The following NBPF12 variants were observed in gnomAD, a reference collection of about 807,000 sequenced individuals.
The protein encoded by NBPF12 is NBPF member 12, also known as NBPF family member NBPF12.
NBPF12 carries 115 observed loss-of-function variants against 146.4 expected under a neutral mutation model. That is an observed-to-expected ratio of 0.79 (90% CI 0.68 to 0.92). NBPF12 has a LOEUF of 0.92. NBPF12 is among the 40% of genes least tolerant of loss of function. The pLI is 0.00. For synonymous variants in NBPF12, 385 were observed against 508.9 expected, an observed-to-expected ratio of 0.76 and a Z score of 3.28; for missense variants, 1,205 against 1,326.8, an observed-to-expected ratio of 0.91 and a Z score of 1.43.
In NBPF12 at chr1:146,971,906, C is replaced by T. The variant is rs1256276243; in HGVS notation, c.1591+512C>T. On this transcript the variant is annotated intron_variant, in intron 13 of 33. Transcript: ENST00000617844. The stretch of plus-strand genomic sequence containing the variant: ...CATCCTGGCTAACACGGTGAAACCC[C>T]ATCTTTACTAAAAATACAAAAAAAA... 8.7e-5 allele frequency among the ~76,000 whole-genome samples: 10 copies of T among 115,262 alleles called. 1 individual carries two copies. The highest frequency in any genetic ancestry group is 3.7e-4 in the African/African-American group (10 of 26,936). 75.6% of individuals were successfully genotyped at this position (115,262 alleles called of 152,430 possible). A position where few individuals can be genotyped will look rare whatever the true frequency, so the allele number is the denominator to read the frequency against.
intron 31 of NBPF12, among the ~76,000 whole-genome samples, 154 bp from the exon 35 acceptor site, chr1:146,992,558 G>T (rs1365029277): frequency 7.2e-6 from 1 of 139,214 alleles, no homozygotes; most frequent in East Asian, 2.3e-4. Flanking sequence ...GCCCTGTTCT[G>T]TCCCAACATG....
At chr1:146,943,471 C>G in exon 2 of NBPF12, 2 of 1,069,468 alleles carry the variant, frequency 1.9e-6, no homozygotes, top group Non-Finnish European at 2.7e-6. Context: ...GGTGGACTCT[C>G]CGAGGCACCG....
chr1:146,973,325 A>T (rs1438690327), intron 14 of NBPF12, among the ~76,000 whole-genome samples: 1 of 151,756 alleles, frequency 6.6e-6, no homozygotes, highest in African/African-American at 2.4e-5. Context: ...AATGTCTGAG[A>T]CTAGTGAACT....
chr1:146,964,157 A>G (rs1656039220), intron 6 of NBPF12, among the ~76,000 whole-genome samples, 200 bp from the exon 10 acceptor site: 1 of 148,496 alleles, frequency 6.7e-6, no homozygotes, highest in African/African-American at 2.5e-5. Context: ...CCACATCTTG[A>G]TGGTGGCCCT....
In NBPF12 at chr1:146,965,877, G is replaced by A. The variant is rs1278460806; in HGVS notation, c.779-587G>A. On this transcript the variant is annotated intron_variant, in intron 8 of 33. Coordinates refer to ENST00000617844, the Ensembl canonical transcript of NBPF12. ...AATCCCAGCACTTTGAGAGGCCGAG[G>A]TGGGCGGAACACCTGAGCTCAGGAG... Among the ~76,000 whole-genome samples, 7 of 149,958 alleles carry A rather than the reference G, an allele frequency of 4.7e-5. No individual in the cohort carries two copies. In the South Asian group the frequency reaches 8.6e-4, roughly 18 times the overall value.
At chr1:146,939,063 GGC>G (rs1472808175) in intron 1 of NBPF12, 51 bp downstream of exon 1, 1 of 152,214 alleles carries the variant, frequency 6.6e-6, no homozygotes, top group African/African-American at 2.4e-5. Context: ...CGGCGCGCTG[GGC>G]CGCCGCAAGT....
At position 146,966,685 on chromosome 1, in the gene NBPF12, A is replaced by G; in HGVS notation, c.988+12A>G. 7.9e-7 allele frequency: 1 copy of G among 1,266,822 alleles called. No homozygotes were observed. Among genetic ancestry groups the G allele is most frequent in the Non-Finnish European group, 1.2e-6 (1 of 865,390 alleles). The allele number at this position is 1,266,822 out of a possible 1,614,324, so 78.5% of individuals were successfully genotyped here. ...GCAGAACAAATACAGTAAGATCTAC[A>G]GGCTCACCATCACGAAAGTGATGAA... On this transcript the variant is annotated intron_variant, in intron 9 of 33. Coordinates refer to ENST00000617844, the Ensembl canonical transcript of NBPF12.
intron 1 of NBPF12, among the ~76,000 whole-genome samples, chr1:146,941,154 G>A (rs1427843414): frequency 2.6e-5 from 4 of 151,236 alleles, no homozygotes; most frequent in Non-Finnish European, 3.0e-5. Context: ...TACAATCACA[G>A]CTTAGTGCAA....
intron 14 of NBPF12, 69 bp downstream of exon 17, chr1:146,973,029 T>G (rs1656756091): frequency 1.3e-6 from 1 of 791,038 alleles, no homozygotes; most frequent in African/African-American, 1.7e-5. Flanking sequence ...AGAAACTAAG[T>G]GCTCTCTCCA....
intron 11 of NBPF12, 151 bp downstream of exon 14, chr1:146,969,747 C>G: frequency 3.4e-6 from 5 of 1,465,384 alleles, no homozygotes; most frequent in Non-Finnish European, 4.7e-6. Context: ...TGGGTAAGAA[C>G]GGAGATGGGA....
intron 1 of NBPF12, among the ~76,000 whole-genome samples, chr1:146,950,670 C>G (rs1655287193): frequency 6.6e-6 from 1 of 152,100 alleles, no homozygotes; most frequent in Admixed American, 6.5e-5. Context: ...GAGATTCATC[C>G]ATGTTGTTTT....
In NBPF12 at chr1:146,984,300, T is replaced by C. The variant is rs1246011995; in HGVS notation, c.2666+115T>C. 160 of 781,692 alleles carry C rather than the reference T, an allele frequency of 2.0e-4. 2 individuals are homozygous for C. In the African/African-American group the frequency reaches 2.6e-3, roughly 13 times the overall value. 48.4% of individuals were successfully genotyped at this position (781,692 alleles called of 1,614,324 possible). On this transcript the variant is annotated intron_variant, in intron 21 of 33. Transcript: ENST00000617844. ...TTTTGTCTTGTCAGACAAGTCTGAA[T>C]TATGCCTACTGCATTGTTTTTTGGT...
rs1450176038 is a variant in NBPF12, at chr1:146,970,740, G to A, written c.1379+21G>A. On this transcript the variant is annotated intron_variant, in intron 12 of 33. Coordinates refer to ENST00000617844, the Ensembl canonical transcript of NBPF12. The stretch of plus-strand genomic sequence containing the variant: ...CCCAGGTGACACTGAATACTCAGGA[G>A]CAAGTAATGGGTGTTAACATATGAA... The A allele has an allele frequency of 1.3e-5, 17 of 1,315,052 alleles. 2 individuals carry two copies. In the Admixed American group the frequency reaches 1.3e-4, roughly 10 times the overall value. The allele number at this position is 1,315,052 out of a possible 1,614,324, so 81.5% of individuals were successfully genotyped here.
chr1:146,994,634 A>G (rs1553890169), exon 34 of NBPF12: 3 of 1,586,162 alleles, frequency 1.9e-6, no homozygotes, highest in East Asian at 4.5e-5. Flanking sequence ...AGGCACCTGA[A>G]GATTTGAATG....
intron 19 of NBPF12, among the ~76,000 whole-genome samples, chr1:146,980,292 C>G (rs1368162875): frequency 2.6e-5 from 4 of 152,022 alleles, no homozygotes; most frequent in Admixed American, 1.3e-4. Flanking sequence ...TGTTTTTTAA[C>G]TGGGGCATTT....
At chr1:146,966,415 G>C (rs1342407258) in intron 8 of NBPF12, 49 bp from the exon 12 acceptor site, 14 of 1,338,916 alleles carry the variant, frequency 1.0e-5, no homozygotes, top group African/African-American at 5.8e-5. Context: ...AAGCCTACTT[G>C]ATTTCACCAG....
upstream of NBPF12, among the ~76,000 whole-genome samples, chr1:146,948,522 T>C (rs1305547343): frequency 6.6e-6 from 1 of 151,800 alleles, no homozygotes; most frequent in Non-Finnish European, 1.5e-5. Context: ...GGGTGTGCTT[T>C]GTTAAACAAA....
Position 146,951,190 on chromosome 1 carries a change from T to C in NBPF12, c.-325-158T>C, listed in dbSNP as rs1403572788. On this transcript the variant is annotated intron_variant, in intron 1 of 33. Transcript: ENST00000617844. ...TGGGATTCAGGAAGGAGTTTAATCA[T>C]ATAAAGAATCCTGTGACCAGTATGA... Among the ~76,000 whole-genome samples, 4 of 152,212 alleles carry C rather than the reference T, an allele frequency of 2.6e-5. No individual in the cohort carries two copies. The East Asian group carries it at 5.8e-4, about 22-fold the overall frequency.
intron 12 of NBPF12, 93 bp downstream of exon 15, chr1:146,970,812 G>C: frequency 8.8e-7 from 1 of 1,131,362 alleles, no homozygotes; most frequent in Non-Finnish European, 1.3e-6. Flanking sequence ...TGGGCCAAAA[G>C]CCCGCATTCC....
Sources: allele counts gnomAD v4.1 joint callset (sites outside exome capture counted in the v4.1 genomes callset), GRCh38; gene constraint gnomAD v4.1.1; transcripts MANE v1.5; gene names NCBI Gene and HGNC (gene_info 2026-07-23, HGNC 2026-07-21).